The following IQGAP3 variants were observed in gnomAD, a reference collection of about 807,000 sequenced individuals.
The protein encoded by IQGAP3 is ras GTPase-activating-like protein IQGAP3.
In IQGAP3, 165 loss-of-function variants were observed where a neutral mutation model predicts 208.2. The ratio of observed to expected loss-of-function variants is 0.79; its 90% confidence interval spans 0.70 to 0.90. The LOEUF (loss-of-function observed/expected upper bound fraction) is 0.90. Ranked by LOEUF, IQGAP3 falls within the 40% of genes least tolerant of loss-of-function variation. The probability of loss-of-function intolerance (pLI) is 0.00; values close to 1 mark genes in which losing one functional copy is unlikely to be tolerated. For missense variants in IQGAP3, 1,811 were observed against 2,043.1 expected (o/e 0.89, Z 2.19); for synonymous variants, 703 against 803.6 (o/e 0.87, Z 2.12).
At position 156,544,200 on chromosome 1, in the gene IQGAP3, C is replaced by T; in HGVS notation, c.2412G>A (p.Trp804Ter). Reference sequence around the variant, plus strand: ...GCCTCAGGTATTGCCTCCGAGCTGCCCACATCCGGGCCCAGGCCTGGATCT... The same window carrying T: ...GCCTCAGGTATTGCCTCCGAGCTGCTCACATCCGGGCCCAGGCCTGGATCT... Reference protein sequence around the residue: ...IIKIQAWARMWAARRQYLRRL... With the variant: ...IIKIQAWARM Residue 804 changes from tryptophan (W) to a stop codon, truncating the protein, a stop_gained, in exon 21 of 38, where the codon TGG (tryptophan) becomes TGA (stop). Transcript: ENST00000361170. LOFTEE classifies it high-confidence loss of function. The T allele has an allele frequency of 6.2e-7, 1 of 1,614,136 alleles. No homozygotes were observed.
chr1:156,526,499 AACTT>A lies in IQGAP3; in HGVS notation c.4879_4882del (p.Lys1627PhefsTer23). 6.2e-7 allele frequency: 1 copy of A among 1,613,576 alleles called. No homozygotes were observed. Among genetic ancestry groups the A allele is most frequent in the Non-Finnish European group, 8.5e-7 (1 of 1,179,506 alleles). On this transcript the variant is annotated frameshift_variant, in exon 38 of 38. Coordinates refer to ENST00000361170, the MANE Select transcript of IQGAP3 (RefSeq NM_178229.5). LOFTEE classifies it high-confidence loss of function. ...CCTTTGCCTCTGTCACTTCCGCAAAAACTTCTTGTTGAGGAGGAAGATGAGAAGG... is the reference window on the plus strand; with the variant it reads ...CCTTTGCCTCTGTCACTTCCGCAAAACTTGTTGAGGAGGAAGATGAGAAGG...
Position 156,539,106 on chromosome 1 carries a change from G to A in IQGAP3, c.3057-73C>T, listed in dbSNP as rs573281784. On this transcript the variant is annotated intron_variant, in intron 25 of 37. Coordinates refer to ENST00000361170, the MANE Select transcript of IQGAP3 (RefSeq NM_178229.5). ...ACATACCGTTGCTTTTCCTTTTTGAGATTTTGGCTCTCAAAGCCTGCCCTG... is the reference window on the plus strand; with the variant it reads ...ACATACCGTTGCTTTTCCTTTTTGAAATTTTGGCTCTCAAAGCCTGCCCTG... 3.8e-5 allele frequency: 52 copies of A among 1,386,104 alleles called. No individual in the cohort carries two copies. The Middle Eastern group carries it at 7.0e-4, about 19-fold the overall frequency. The allele number at this position is 1,386,104 out of a possible 1,614,324, so 85.9% of individuals were successfully genotyped here. A position where few individuals can be genotyped will look rare whatever the true frequency, so the allele number is the denominator to read the frequency against.
chr1:156,564,768 A>T, intron 4 of IQGAP3, 77 bp from the exon 5 acceptor site: 1 of 1,019,988 alleles, frequency 9.8e-7, no homozygotes, highest in Admixed American at 1.7e-5. Flanking sequence ...GTGCCGAGGA[A>T]TGGGTCTTCC....
chr1:156,539,747 G>A, intron 24 of IQGAP3, 91 bp downstream of exon 24: 2 of 1,445,742 alleles, frequency 1.4e-6, no homozygotes, highest in South Asian at 2.3e-5. Flanking sequence ...AGGACACCTT[G>A]CATGGTGCCA....
intron 37 of IQGAP3, 38 bp downstream of exon 37, chr1:156,527,914 A>C (rs1419834795): frequency 6.3e-6 from 9 of 1,429,110 alleles, no homozygotes; most frequent in Non-Finnish European, 7.9e-6. Flanking sequence ...CCTAAAGCCC[A>C]GCAGATGTCC....
chr1:156,540,584 C>A, intron 23 of IQGAP3, 124 bp downstream of exon 23: 1 of 783,310 alleles, frequency 1.3e-6, no homozygotes, highest in Non-Finnish European at 2.1e-6. Flanking sequence ...GGAACAAGGA[C>A]CTGAGTCAGG....
At chr1:156,548,859 T>G in intron 16 of IQGAP3, 111 bp from the exon 17 acceptor site, 3 of 1,085,784 alleles carry the variant, frequency 2.8e-6, no homozygotes, top group Non-Finnish European at 3.8e-6. Flanking sequence ...AAATCACCCT[T>G]CTGAAGGAGT....
At chr1:156,556,414 A>C in intron 12 of IQGAP3, 119 bp downstream of exon 12, 2 of 922,710 alleles carry the variant, frequency 2.2e-6, no homozygotes, top group Non-Finnish European at 3.3e-6. Context: ...CTCTTTCCCC[A>C]TCCTAATCTC....
intron 10 of IQGAP3, 104 bp from the exon 11 acceptor site, chr1:156,561,125 T>TCAATCCTAC: frequency 5.4e-6 from 4 of 741,830 alleles, no homozygotes. Context: ...CCACCTACCC[T>TCAATCCTAC]CAATCCTACC....
chr1:156,527,626 T>C (rs377559407), intron 37 of IQGAP3, among the ~76,000 whole-genome samples: 1 of 152,240 alleles, frequency 6.6e-6, no homozygotes, highest in African/African-American at 2.4e-5. Flanking sequence ...GGGATAATAC[T>C]TCAGAGCTGT....
At chr1:156,568,317 C>T (rs192322780) in intron 2 of IQGAP3, among the ~76,000 whole-genome samples, 3 of 152,148 alleles carry the variant, frequency 2.0e-5, no homozygotes, top group South Asian at 2.1e-4. Flanking sequence ...TGGGTTCAAG[C>T]GATTCTCCTG....
chr1:156,547,946 T>C (rs553957907), intron 19 of IQGAP3, 127 bp downstream of exon 19: 10 of 835,110 alleles, frequency 1.2e-5, no homozygotes, highest in Admixed American at 3.0e-5. Flanking sequence ...CCAGAACCTA[T>C]GCTTTTAACC....
chr1:156,527,911 C>T (rs1674178754), intron 37 of IQGAP3, 41 bp downstream of exon 37: 2 of 1,402,476 alleles, frequency 1.4e-6, no homozygotes, highest in Middle Eastern at 1.8e-4. Flanking sequence ...GCACCTAAAG[C>T]CCAGCAGATG....
At chr1:156,537,545 T>C (rs926281754) in intron 26 of IQGAP3, among the ~76,000 whole-genome samples, 3 of 152,070 alleles carry the variant, frequency 2.0e-5, no homozygotes, top group Non-Finnish European at 4.4e-5. Flanking sequence ...GCTGGAAGAA[T>C]GTAGGAAGGA....
chr1:156,538,940 A>T lies in IQGAP3; in HGVS notation c.3150T>A (p.Ser1050Arg). Residue 1050 changes from serine to arginine, a missense_variant, in exon 26 of 38, where the codon AGT becomes AGA. Transcript: ENST00000361170. ...VRFYRNGRGQ[S>R]ALQEILGKVI... Reference sequence around the variant, plus strand: ...CCTTGCCCAGAATCTCCTGCAGGGCACTCTGTCCCCGCCCATTACGGTAGA... The same window carrying T: ...CCTTGCCCAGAATCTCCTGCAGGGCTCTCTGTCCCCGCCCATTACGGTAGA... The T allele has an allele frequency of 1.9e-6, 3 of 1,613,956 alleles. No homozygotes were observed. Among genetic ancestry groups the T allele is most frequent in the Non-Finnish European group, 2.5e-6 (3 of 1,179,974 alleles).
At chr1:156,534,815 G>A in intron 28 of IQGAP3, 82 bp from the exon 29 acceptor site, 7 of 1,101,130 alleles carry the variant, frequency 6.4e-6, no homozygotes, top group Non-Finnish European at 8.9e-6. Flanking sequence ...TTGCTTGGCT[G>A]GAAGGGACAC....
intron 32 of IQGAP3, among the ~76,000 whole-genome samples, chr1:156,531,956 G>A (rs529150744): frequency 1.3e-5 from 2 of 152,108 alleles, no homozygotes; most frequent in African/African-American, 4.8e-5. Flanking sequence ...TGCCTTGTTG[G>A]CAGGAGCTTG....
chr1:156,527,599 C>T (rs1199480814), intron 37 of IQGAP3, among the ~76,000 whole-genome samples: 1 of 152,194 alleles, frequency 6.6e-6, no homozygotes, highest in African/African-American at 2.4e-5. Flanking sequence ...ACCTTTTAGC[C>T]TAGAGCCTGT....
At chr1:156,542,778 A>T (rs1675048544) in intron 22 of IQGAP3, among the ~76,000 whole-genome samples, 2 of 151,840 alleles carry the variant, frequency 1.3e-5, no homozygotes, top group Admixed American at 1.3e-4. Context: ...CCATCTCTAC[A>T]AAAAATCAAA....
Sources: allele counts gnomAD v4.1 joint callset (sites outside exome capture counted in the v4.1 genomes callset), GRCh38; gene constraint gnomAD v4.1.1; transcripts MANE v1.5; gene names NCBI Gene and HGNC (gene_info 2026-07-23, HGNC 2026-07-21).